The following MTCL1 variants were observed in gnomAD, a reference collection of about 807,000 sequenced individuals.
MTCL1 encodes the protein microtubule cross-linking factor 1.
A neutral mutation model predicts 141.4 loss-of-function variants in MTCL1; 79 were observed. The observed-to-expected ratio is 0.56, with a 90% CI of 0.47 to 0.67. The LOEUF (loss-of-function observed/expected upper bound fraction) is 0.67. Among genes scored for constraint, MTCL1 ranks in the 30% least tolerant of loss-of-function variants. The probability of loss-of-function intolerance (pLI) is 0.00; values close to 1 mark genes in which losing one functional copy is unlikely to be tolerated. For synonymous variants in MTCL1, 914 were observed against 875.8 expected, an observed-to-expected ratio of 1.04 and a Z score of -0.77; for missense variants, 2,177 against 2,113.9, an observed-to-expected ratio of 1.03 and a Z score of -0.59.
exon 6 of MTCL1, chr18:8,784,230 C>T (rs2096542589): frequency 2.5e-6 from 4 of 1,610,346 alleles, no homozygotes; most frequent in South Asian, 2.2e-5. Context: ...GACCTGGCAG[C>T]CCACCTGGGG....
chr18:8,801,107 G>A (rs565668014), intron 10 of MTCL1, among the ~76,000 whole-genome samples: 103 of 152,192 alleles, frequency 6.8e-4, no homozygotes, highest in African/African-American at 2.4e-3. Flanking sequence ...TAGGGCCTTC[G>A]GGGGCTGCCT....
intron 4 of MTCL1, among the ~76,000 whole-genome samples, chr18:8,769,056 A>G (rs1298273420): frequency 2.0e-5 from 3 of 152,176 alleles, no homozygotes; most frequent in Admixed American, 1.3e-4. Context: ...TGGCCTCCCA[A>G]AGTGCGGGGA....
intron 4 of MTCL1, among the ~76,000 whole-genome samples, chr18:8,746,597 G>A (rs555148104): frequency 6.6e-6 from 1 of 152,256 alleles, no homozygotes; most frequent in South Asian, 2.1e-4. Context: ...TAAGATAGAG[G>A]ATACCTTGGT....
At chr18:8,740,657 A>G (rs905530960) in intron 4 of MTCL1, among the ~76,000 whole-genome samples, 1 of 151,986 alleles carries the variant, frequency 6.6e-6, no homozygotes, top group Non-Finnish European at 1.5e-5. Context: ...TAATTTTTGT[A>G]TTTTTAGTAG....
exon 1 of MTCL1, chr18:8,706,406 C>A: frequency 8.1e-7 from 1 of 1,228,216 alleles, no homozygotes; most frequent in Non-Finnish European, 1.0e-6. Context: ...CCACGAGGAG[C>A]GCCGACGCCG....
At chr18:8,824,992 T>TCAC in exon 15 of MTCL1, 1 of 1,613,282 alleles carries the variant, frequency 6.2e-7, no homozygotes. Flanking sequence ...ACCACAAGTG[T>TCAC]CACCATGACC....
At chr18:8,786,120 C>CCAG (rs775582104) in intron 7 of MTCL1, 29 bp downstream of exon 6, 4 of 1,345,730 alleles carry the variant, frequency 3.0e-6, no homozygotes, top group Non-Finnish European at 3.9e-6. Context: ...TCCCCCCCCC[C>CCAG]CGCCCTCCCC....
chr18:8,777,700 AGTT>A (rs2096516774), intron 4 of MTCL1, 130 bp from the exon 4 acceptor site: 6 of 722,680 alleles, frequency 8.3e-6, no homozygotes, highest in East Asian at 5.1e-5. Flanking sequence ...AATTTACACA[AGTT>A]GTTTCTTGAT....
At chr18:8,826,284 C>T (rs764743855) in intron 15 of MTCL1, 52 bp downstream of exon 14, 1 of 1,442,960 alleles carries the variant, frequency 6.9e-7, no homozygotes, top group African/African-American at 1.4e-5. Flanking sequence ...TTCCCTTTAG[C>T]TGTGGGGCAG....
At chr18:8,826,416 C>A (rs2077029013) in intron 15 of MTCL1, among the ~76,000 whole-genome samples, 184 bp downstream of exon 14, 1 of 152,174 alleles carries the variant, frequency 6.6e-6, no homozygotes, top group Non-Finnish European at 1.5e-5. Flanking sequence ...CCCTGAGCAA[C>A]TTTTTTGAAG....
At chr18:8,807,125 G>C in intron 11 of MTCL1, 65 bp downstream of exon 10, 1 of 1,499,954 alleles carries the variant, frequency 6.7e-7, no homozygotes, top group South Asian at 1.3e-5. Context: ...ATATGTGGCG[G>C]GGGAGCGGGC....
In MTCL1 at chr18:8,822,550, C is replaced by T. The variant is rs1023278796; in HGVS notation, c.3188+1052C>T. Among the ~76,000 whole-genome samples, 5 of 152,078 alleles carry T rather than the reference C, an allele frequency of 3.3e-5. No individual in the cohort carries two copies. Among genetic ancestry groups the T allele is most frequent in the Admixed American group, 1.3e-4 (2 of 15,288 alleles). ...AGGTGATCCACCCGCCTCAGCCTCC[C>T]GAAGTGCTGGGATTACAGGCGTGAG... On this transcript the variant is annotated intron_variant, in intron 14 of 16. Transcript: ENST00000359865. This position sits in a 1 kb window ranked among gnomAD's most constrained non-coding sequence, Gnocchi z 4.6.
At chr18:8,768,015 T>C (rs1265023893) in intron 4 of MTCL1, among the ~76,000 whole-genome samples, 1 of 152,246 alleles carries the variant, frequency 6.6e-6, no homozygotes, top group Non-Finnish European at 1.5e-5. Context: ...TCACGATTTT[T>C]AATGGCTACA....
chr18:8,778,508 AG>A (rs1450618842), intron 5 of MTCL1, among the ~76,000 whole-genome samples: 5 of 152,214 alleles, frequency 3.3e-5, no homozygotes, highest in African/African-American at 1.2e-4. Flanking sequence ...GAGAGCAAGT[AG>A]TAATTAGAGA....
chr18:8,829,939 TGA>T, intron 16 of MTCL1: 2 of 985,330 alleles, frequency 2.0e-6, no homozygotes, highest in Non-Finnish European at 2.4e-6. Context: ...GAGGGGGTAC[TGA>T]ATGGTCTCAT....
chr18:8,815,081 AG>A (rs1021829016), intron 12 of MTCL1, among the ~76,000 whole-genome samples: 8 of 152,142 alleles, frequency 5.3e-5, no homozygotes, highest in African/African-American at 1.9e-4. Context: ...TCAGGGATCT[AG>A]AACTAGAAAT....
exon 6 of MTCL1, chr18:8,783,833 G>T (rs1434844211): frequency 1.2e-6 from 2 of 1,613,214 alleles, no homozygotes; most frequent in Admixed American, 1.7e-5. Flanking sequence ...AGAGATGGAG[G>T]ACATGCGGGG....
chr18:8,798,373 C>T, intron 10 of MTCL1, 82 bp downstream of exon 9: 1 of 1,232,956 alleles, frequency 8.1e-7, no homozygotes, highest in East Asian at 3.1e-5. Context: ...CGTTTTGTTT[C>T]CAGTGTTGGC....
intron 4 of MTCL1, among the ~76,000 whole-genome samples, chr18:8,738,773 A>G (rs1023771042): frequency 6.6e-5 from 10 of 152,172 alleles, no homozygotes; most frequent in Non-Finnish European, 1.3e-4. Flanking sequence ...GCTAACTTCC[A>G]CTCTGCAGCA....
Sources: gnomAD v4.1 joint callset for allele counts (sites outside exome capture counted in the v4.1 genomes callset) on GRCh38, gnomAD v4.1.1 for gene constraint, Gnocchi (gnomAD v3.1) non-coding constraint, MANE v1.5 for transcripts, NCBI Gene and HGNC (gene_info 2026-07-23, HGNC 2026-07-21) for gene names.